The following LGALS3 variants were observed in gnomAD, a reference collection of about 807,000 sequenced individuals.
LGALS3 encodes the protein galectin-3.
A neutral mutation model predicts 20.7 loss-of-function variants in LGALS3; 18 were observed. The observed-to-expected ratio is 0.87, with a 90% CI of 0.60 to 1.29. LGALS3 has a LOEUF of 1.29. LGALS3 is among the 50% of genes most tolerant of loss of function. The probability of loss-of-function intolerance (pLI) is 0.00; values close to 1 mark genes in which losing one functional copy is unlikely to be tolerated. For synonymous variants in LGALS3, 112 were observed against 119.6 expected, an observed-to-expected ratio of 0.94 and a Z score of 0.42; for missense variants, 315 against 314.7, an observed-to-expected ratio of 1.00 and a Z score of -0.01.
intron 1 of LGALS3, among the ~76,000 whole-genome samples, chr14:55,132,419 GTC>G (rs1881257935): frequency 6.6e-6 from 1 of 151,596 alleles, no homozygotes; most frequent in South Asian, 2.1e-4. Flanking sequence ...TTGATTGTAT[GTC>G]TCTCTCTGTA....
At chr14:55,141,845 C>T (rs889982740) in intron 4 of LGALS3, among the ~76,000 whole-genome samples, 4 of 152,164 alleles carry the variant, frequency 2.6e-5, no homozygotes, top group African/African-American at 9.7e-5. Context: ...GATTAAAATA[C>T]GAATACCTAC....
chr14:55,140,123 T>G, intron 3 of LGALS3, 152 bp from the exon 4 acceptor site: 1 of 511,412 alleles, frequency 2.0e-6, no homozygotes, highest in Non-Finnish European at 3.5e-6. Flanking sequence ...CTTTGGCCCC[T>G]GGGCAAAGTG....
In LGALS3 at chr14:55,142,601, A is replaced by G. The variant is rs1452792408; in HGVS notation, c.449A>G (p.Gln150Arg). Residue 150 changes from glutamine (Q) to arginine (R), a missense_variant, in exon 5 of 6, where the codon CAA (glutamine) becomes CGA (arginine). Gln to Arg is a conservative substitution (Grantham distance 43, BLOSUM62 1). Coordinates refer to ENST00000254301, the MANE Select transcript of LGALS3 (RefSeq NM_002306.4). ...TAAAACAGAATTGCTTTAGATTTCC[A>G]AAGAGGGAATGATGTTGCCTTCCAC... Reference protein sequence around the residue: ...PNANRIALDFQRGNDVAFHFN... With the variant: ...PNANRIALDFRRGNDVAFHFN... The G allele has an allele frequency of 2.4e-5, 38 of 1,613,646 alleles. No individual in the cohort carries two copies. The highest frequency in any genetic ancestry group is 3.1e-5 in the Non-Finnish European group (37 of 1,179,578).
intron 3 of LGALS3, among the ~76,000 whole-genome samples, chr14:55,139,670 CA>C: frequency 6.6e-6 from 1 of 152,092 alleles, no homozygotes; most frequent in Middle Eastern, 3.4e-3. Flanking sequence ...TAGTTAAACC[CA>C]GGGGGAAGTC....
intron 3 of LGALS3, 83 bp downstream of exon 3, chr14:55,138,451 C>A: frequency 6.8e-7 from 1 of 1,460,704 alleles, no homozygotes; most frequent in Non-Finnish European, 9.5e-7. Flanking sequence ...CTGCTTAGAG[C>A]CACTTCTCAA....
chr14:55,140,157 A>G (rs1881567118), intron 3 of LGALS3, 118 bp from the exon 4 acceptor site: 2 of 647,534 alleles, frequency 3.1e-6, no homozygotes, highest in Non-Finnish European at 5.5e-6. Context: ...GACAGATGGC[A>G]TATACTAGAG....
At chr14:55,132,909 C>T (rs192228303) in intron 1 of LGALS3, among the ~76,000 whole-genome samples, 7 of 152,234 alleles carry the variant, frequency 4.6e-5, no homozygotes, top group Admixed American at 2.0e-4. Context: ...TGGAAGTTGA[C>T]GGGGCATACC....
intron 3 of LGALS3, among the ~76,000 whole-genome samples, chr14:55,138,859 A>C (rs1220953088): frequency 6.6e-6 from 1 of 152,182 alleles, no homozygotes; most frequent in Non-Finnish European, 1.5e-5. Context: ...TAAGGGTTGA[A>C]TTTTCACGCA....
At chr14:55,131,569 C>A (rs989593868) in intron 1 of LGALS3, among the ~76,000 whole-genome samples, 1 of 152,164 alleles carries the variant, frequency 6.6e-6, no homozygotes, top group Admixed American at 6.5e-5. Flanking sequence ...CTCTTCTTTC[C>A]TGTGATCGTT....
At chr14:55,137,273 A>G (rs45509294) in intron 1 of LGALS3, 97 bp from the exon 2 acceptor site, 3 of 1,158,034 alleles carry the variant, frequency 2.6e-6, no homozygotes, top group Non-Finnish European at 3.9e-6. Context: ...ATGCCTAGAG[A>G]TGGATTAGAA....
intron 5 of LGALS3, among the ~76,000 whole-genome samples, chr14:55,144,305 G>A (rs969209733): frequency 6.6e-6 from 1 of 152,098 alleles, no homozygotes; most frequent in Non-Finnish European, 1.5e-5. Context: ...ACCCACGTGT[G>A]GCTAATTTTT....
At position 55,140,277 on chromosome 14, in the gene LGALS3, T is replaced by A. The variant is rs1881573120; in HGVS notation, c.345T>A (p.Ile115=). 6.2e-7 allele frequency: 1 copy of A among 1,609,258 alleles called. No individual in the cohort carries two copies. Among genetic ancestry groups the A allele is most frequent in the African/African-American group, 1.3e-5 (1 of 74,836 alleles). The part of the protein sequence containing the change: ...GPYGAPAGPL[I]VPYNLPLPGG... ...CATATGTACTTGTTAATTCCCAGAT[T>A]GTGCCTTATAACCTGCCTTTGCCTG... is the stretch of plus-strand genomic sequence containing the variant. The change falls in exon 4 of 6, where the codon ATT becomes ATA. Residue 115 remains isoleucine (I), a splice_region_variant and synonymous_variant. Coordinates refer to ENST00000254301, the MANE Select transcript of LGALS3 (RefSeq NM_002306.4).
At chr14:55,144,195 C>T (rs781734846) in intron 5 of LGALS3, among the ~76,000 whole-genome samples, 2 of 152,214 alleles carry the variant, frequency 1.3e-5, no homozygotes, top group African/African-American at 4.8e-5. Context: ...GGCTGGAGTA[C>T]AGTGGCATGG....
chr14:55,135,569 T>G (rs1002994649), intron 1 of LGALS3, among the ~76,000 whole-genome samples: 4 of 142,634 alleles, frequency 2.8e-5, no homozygotes, highest in Admixed American at 6.9e-5. Flanking sequence ...GGTTTTTTTT[T>G]TTTTTTTTTT....
rs1881169744 is a variant in LGALS3, at chr14:55,129,688, A to G, written c.-5+388A>G. On this transcript the variant is annotated intron_variant, in intron 1 of 5. Transcript: ENST00000254301. The surrounding 1 kb of genome is among the most constrained non-coding windows in gnomAD (Gnocchi z 5.3). ...TGACGAGCCGCAGTCTGGTCACCCC[A>G]GTCCCACCAGGTCCCGCTGCGAGGG... Among the ~76,000 whole-genome samples, 1 of 152,128 alleles carries G rather than the reference A, an allele frequency of 6.6e-6. No individual in the cohort carries two copies. The highest frequency in any genetic ancestry group is 1.5e-5 in the Non-Finnish European group (1 of 68,000).
intron 5 of LGALS3, 90 bp from the exon 6 acceptor site, chr14:55,145,026 G>A (rs1881764695): frequency 3.9e-6 from 4 of 1,026,990 alleles, no homozygotes; most frequent in South Asian, 1.5e-5. Context: ...TTTCTATAGT[G>A]CAGATGAAAT....
intron 1 of LGALS3, among the ~76,000 whole-genome samples, chr14:55,136,134 T>C (rs1881388381): frequency 2.0e-5 from 3 of 152,268 alleles, no homozygotes; most frequent in African/African-American, 4.8e-5. Context: ...TTTGGAGCCT[T>C]GACATGGGAA....
intron 1 of LGALS3, among the ~76,000 whole-genome samples, chr14:55,133,883 AGAGTT>A (rs1314114097): frequency 1.3e-5 from 2 of 152,252 alleles, no homozygotes; most frequent in Non-Finnish European, 2.9e-5. Context: ...TAATTTGAAT[AGAGTT>A]ATGTTAGGAC....
At chr14:55,140,405 T>A in intron 4 of LGALS3, 42 bp downstream of exon 4, 1 of 1,316,056 alleles carries the variant, frequency 7.6e-7, no homozygotes. Context: ...ATTTGTAGAT[T>A]GGTTTTTGAA....
Sources: allele counts gnomAD v4.1 joint callset (sites outside exome capture counted in the v4.1 genomes callset), GRCh38; gene constraint gnomAD v4.1.1; non-coding constraint Gnocchi (gnomAD v3.1); transcripts MANE v1.5; gene names NCBI Gene and HGNC (gene_info 2026-07-23, HGNC 2026-07-21).